The following PPARG variants were observed in gnomAD, a reference collection of about 807,000 sequenced individuals.
The protein encoded by PPARG is peroxisome proliferator activated receptor gamma.
PPARG carries 17 observed loss-of-function variants against 39.2 expected under a neutral mutation model. That is an observed-to-expected ratio of 0.43 (90% CI 0.30 to 0.65). PPARG has a LOEUF of 0.65. Ranked by LOEUF, PPARG falls within the 30% of genes least tolerant of loss-of-function variation. PPARG has a pLI of 0.13. For missense variants in PPARG, 406 were observed against 585.9 expected (o/e 0.69, Z 3.17); for synonymous variants, 223 against 215.7 (o/e 1.03, Z -0.30).
intron 2 of PPARG, among the ~76,000 whole-genome samples, chr3:12,359,326 A>G (rs1359078361): frequency 6.6e-6 from 1 of 152,218 alleles, no homozygotes; most frequent in Non-Finnish European, 1.5e-5. Flanking sequence ...GGAAGTTTGG[A>G]AAAGAGAAAC....
At chr3:12,405,580 C>T (rs1021345447) in intron 5 of PPARG, among the ~76,000 whole-genome samples, 3 of 152,206 alleles carry the variant, frequency 2.0e-5, no homozygotes, top group African/African-American at 7.2e-5. Flanking sequence ...AGTTGGTTCT[C>T]AATTATTTCA....
intron 4 of PPARG, among the ~76,000 whole-genome samples, chr3:12,390,319 A>T (rs927845474): frequency 3.9e-5 from 6 of 152,326 alleles, no homozygotes; most frequent in Non-Finnish European, 7.4e-5. Flanking sequence ...AATGCCACTT[A>T]AACATATTTA....
chr3:12,391,186 A>T (rs2097672254), intron 4 of PPARG, among the ~76,000 whole-genome samples: 1 of 152,234 alleles, frequency 6.6e-6, no homozygotes, highest in Non-Finnish European at 1.5e-5. Context: ...TTTGGATTCC[A>T]TCCAGGGGTA....
chr3:12,368,234 T>C (rs1347521746), intron 2 of PPARG, among the ~76,000 whole-genome samples: 1 of 145,674 alleles, frequency 6.9e-6, no homozygotes, highest in African/African-American at 2.5e-5. Context: ...CAGGCTGGAG[T>C]GCACTGGCAT....
At chr3:12,342,399 G>A (rs987957877) in intron 2 of PPARG, among the ~76,000 whole-genome samples, 1 of 152,190 alleles carries the variant, frequency 6.6e-6, no homozygotes, top group African/African-American at 2.4e-5. Flanking sequence ...CATCATACTG[G>A]ATTAGATTAG....
chr3:12,344,940 A>C (rs1390705767), intron 2 of PPARG: 1 of 152,180 alleles, frequency 6.6e-6, no homozygotes, highest in Non-Finnish European at 1.5e-5. Context: ...AAATTACTCA[A>C]AGCTTTACTG....
rs1488710323 is a variant in PPARG, at chr3:12,307,230, A to G, written c.-82-5150A>G. Among the ~76,000 whole-genome samples the G allele has an allele frequency of 3.3e-5, 5 of 151,756 alleles. No homozygotes were observed. The East Asian group carries it at 9.6e-4, about 29-fold the overall frequency. On this transcript the variant is annotated intron_variant, in intron 1 of 7. Coordinates refer to ENST00000651735, the MANE Select transcript of PPARG (RefSeq NM_138711.6). The stretch of plus-strand genomic sequence containing the variant: ...ATACAGAGGTCAATTGAATATAGCA[A>G]ATTTTGTCAGTGTTGTAAAAAATCT...
At chr3:12,414,223 A>G (rs1164058601) in intron 6 of PPARG, among the ~76,000 whole-genome samples, 1 of 152,234 alleles carries the variant, frequency 6.6e-6, no homozygotes, top group African/African-American at 2.4e-5. Flanking sequence ...TCCACATGTG[A>G]AAAGGTGATG....
At chr3:12,381,821 T>C (rs1285108416) in intron 4 of PPARG, among the ~76,000 whole-genome samples, 1 of 152,206 alleles carries the variant, frequency 6.6e-6, no homozygotes, top group Non-Finnish European at 1.5e-5. Flanking sequence ...TCCTTGCATC[T>C]TGCAGATTTT....
At chr3:12,359,614 C>G (rs1195082628) in intron 2 of PPARG, among the ~76,000 whole-genome samples, 1 of 151,310 alleles carries the variant, frequency 6.6e-6, no homozygotes, top group Non-Finnish European at 1.5e-5. Flanking sequence ...GCCTTATATA[C>G]AAGCCAAATA....
intron 3 of PPARG, among the ~76,000 whole-genome samples, chr3:12,380,563 C>A (rs958286984): frequency 1.3e-5 from 2 of 152,156 alleles, no homozygotes; most frequent in Non-Finnish European, 2.9e-5. Flanking sequence ...TGTGGGCTGA[C>A]ATGCTGGTTT....
In PPARG at chr3:12,401,727, CT is replaced by C. The variant is rs568825637; in HGVS notation, c.530-4151del. On this transcript the variant is annotated intron_variant, in intron 5 of 7. Coordinates refer to ENST00000651735, the MANE Select transcript of PPARG (RefSeq NM_138711.6). ...ACCAAATGGGATCGATTTTTCATTC[CT>C]TTTATGAACTTCTGGTGTATAAAAA... is the stretch of plus-strand genomic sequence containing the variant. Among the ~76,000 whole-genome samples the C allele has an allele frequency of 3.1e-3, 467 of 151,892 alleles. 2 individuals carry two copies. Among genetic ancestry groups the C allele is most frequent in the African/African-American group, 0.011 (440 of 41,432 alleles).
intron 1 of PPARG, among the ~76,000 whole-genome samples, chr3:12,295,861 T>C (rs564187900): frequency 6.6e-6 from 1 of 152,254 alleles, no homozygotes; most frequent in South Asian, 2.1e-4. Context: ...CAGTTTGATG[T>C]CTGCAAAAAT....
At chr3:12,408,754 T>G (rs563437380) in intron 6 of PPARG, among the ~76,000 whole-genome samples, 26 of 152,066 alleles carry the variant, frequency 1.7e-4, no homozygotes, top group South Asian at 6.2e-4. Context: ...CTTTCTCACC[T>G]TCTTTTCATC....
intron 2 of PPARG, among the ~76,000 whole-genome samples, chr3:12,359,526 C>G (rs993985627): frequency 2.6e-5 from 4 of 152,094 alleles, no homozygotes. Flanking sequence ...ACACAAGACT[C>G]TTGACGTAGG....
chr3:12,354,753 CAA>C (rs71063823), intron 2 of PPARG, among the ~76,000 whole-genome samples: 54,491 of 116,274 alleles, frequency 0.47, 10,877 homozygotes, highest in Middle Eastern at 0.54. Flanking sequence ...GACTCCATCT[CAA>C]AAAAAAAAAA....
In PPARG at chr3:12,325,102, T is replaced by C. The variant is rs568331059; in HGVS notation, c.-9+12649T>C. Among the ~76,000 whole-genome samples, 200 of 150,192 alleles carry C rather than the reference T, an allele frequency of 1.3e-3. 1 individual carries two copies. Among genetic ancestry groups the C allele is most frequent in the African/African-American group, 4.8e-3 (195 of 40,714 alleles). On this transcript the variant is annotated intron_variant, in intron 2 of 7. Coordinates refer to ENST00000651735, the MANE Select transcript of PPARG (RefSeq NM_138711.6). ...AGGAGGTCAAGACCAGCCTGGCCAA[T>C]ATGGTGAGACCCCGTCTCTACTAAA...
chr3:12,425,746 C>CA (rs2125306406), intron 7 of PPARG, among the ~76,000 whole-genome samples: 1 of 152,244 alleles, frequency 6.6e-6, no homozygotes, highest in African/African-American at 2.4e-5. Flanking sequence ...CTGGTCCTGA[C>CA]AAAAAGGTGG....
intron 4 of PPARG, among the ~76,000 whole-genome samples, chr3:12,387,390 C>T (rs751214768): frequency 3.9e-5 from 6 of 152,096 alleles, no homozygotes; most frequent in Non-Finnish European, 7.4e-5. Flanking sequence ...TGTTTTTTTC[C>T]TGACTTTTTA....
Sources: gnomAD v4.1 joint callset for allele counts (sites outside exome capture counted in the v4.1 genomes callset) on GRCh38, gnomAD v4.1.1 for gene constraint, MANE v1.5 for transcripts, NCBI Gene and HGNC (gene_info 2026-07-23, HGNC 2026-07-21) for gene names.